BCKDHB: variants seen among roughly 807,000 people sequenced by gnomAD.
BCKDHB encodes 2-oxoisovalerate dehydrogenase subunit beta, mitochondrial.
In BCKDHB, 41 loss-of-function variants were observed where a neutral mutation model predicts 48.5. The ratio of observed to expected loss-of-function variants is 0.85; its 90% CI spans 0.66 to 1.10. The LOEUF is 1.10. BCKDHB is among the 50% of genes least tolerant of loss of function. BCKDHB has a pLI of 0.00. For synonymous variants in BCKDHB, 201 were observed against 174.8 expected (o/e 1.15, Z -1.18); for missense variants, 496 against 494.2 (o/e 1.00, Z -0.03).
At chr6:80,276,180 C>T (rs1777960998) in intron 9 of BCKDHB, among the ~76,000 whole-genome samples, 2 of 151,876 alleles carry the variant, frequency 1.3e-5, no homozygotes, top group Admixed American at 6.6e-5. Flanking sequence ...ATGTTTGCTC[C>T]ACAGGCGATT....
At chr6:80,394,912 G>T in the BCKDHB span, among the ~76,000 whole-genome samples, 1 of 152,152 alleles carries the variant, frequency 6.6e-6, no homozygotes, top group Non-Finnish European at 1.5e-5. Flanking sequence ...GAGTTCTCAG[G>T]TGATCTGATG....
intron 3 of BCKDHB, among the ~76,000 whole-genome samples, chr6:80,138,485 G>T (rs552880151): frequency 6.6e-5 from 10 of 151,464 alleles, no homozygotes; most frequent in African/African-American, 2.2e-4. Context: ...GATGTTCCCC[G>T]TCCTGTGTCC....
At chr6:80,201,111 T>C in intron 7 of BCKDHB, 80 bp downstream of exon 7, 2 of 1,183,656 alleles carry the variant, frequency 1.7e-6, no homozygotes, top group South Asian at 1.2e-5. Flanking sequence ...CATGAAAAAT[T>C]GAAAACGATG....
the BCKDHB span, among the ~76,000 whole-genome samples, chr6:80,448,140 C>T: frequency 6.6e-6 from 1 of 151,984 alleles, no homozygotes; most frequent in Non-Finnish European, 1.5e-5. Flanking sequence ...TACAGACACA[C>T]CAGCATCAAG....
chr6:80,238,448 A>C (rs1339382943), intron 8 of BCKDHB, among the ~76,000 whole-genome samples: 2 of 152,190 alleles, frequency 1.3e-5, no homozygotes, highest in Non-Finnish European at 2.9e-5. Flanking sequence ...AATCTTAGCC[A>C]CATTAAGTTA....
chr6:80,295,737 C>T (rs1183665243), intron 9 of BCKDHB, among the ~76,000 whole-genome samples: 1 of 152,034 alleles, frequency 6.6e-6, no homozygotes, highest in African/African-American at 2.4e-5. Context: ...AACAAATACG[C>T]TCCAAATTTT....
chr6:80,145,958 TG>T, intron 3 of BCKDHB, among the ~76,000 whole-genome samples: 1 of 152,272 alleles, frequency 6.6e-6, no homozygotes, highest in East Asian at 1.9e-4. Context: ...GGAAGGTAGA[TG>T]CCTTCCAGTT....
chr6:80,242,743 GT>G (rs1178508803), intron 8 of BCKDHB, among the ~76,000 whole-genome samples: 1 of 152,208 alleles, frequency 6.6e-6, no homozygotes, highest in African/African-American at 2.4e-5. Flanking sequence ...GGGGAGGAGT[GT>G]GGTGCTGGCT....
chr6:80,158,765 A>C (rs538302169), intron 3 of BCKDHB, among the ~76,000 whole-genome samples: 1 of 152,266 alleles, frequency 6.6e-6, no homozygotes, highest in Admixed American at 6.5e-5. Context: ...GATAAAACAG[A>C]CCCTAAAGGG....
chr6:80,137,015 T>A (rs1370379168), intron 3 of BCKDHB, among the ~76,000 whole-genome samples: 1 of 152,150 alleles, frequency 6.6e-6, no homozygotes, highest in Admixed American at 6.6e-5. Flanking sequence ...GGTGGGAATG[T>A]AAAGCGACAC....
the BCKDHB span, among the ~76,000 whole-genome samples, chr6:80,425,081 T>G: frequency 6.6e-6 from 1 of 152,152 alleles, no homozygotes; most frequent in Non-Finnish European, 1.5e-5. Flanking sequence ...GTGGAACAGC[T>G]CACTGATAGA....
intron 3 of BCKDHB, among the ~76,000 whole-genome samples, chr6:80,161,563 T>G: frequency 6.6e-6 from 1 of 152,158 alleles, no homozygotes; most frequent in East Asian, 1.9e-4. Context: ...GCACTGACAC[T>G]CCCCCTCCTT....
the BCKDHB span, among the ~76,000 whole-genome samples, chr6:80,362,903 C>T: frequency 2.6e-5 from 4 of 152,240 alleles, no homozygotes; most frequent in East Asian, 3.9e-4. Context: ...TAACCAAAGA[C>T]GTGCCTTTAG....
chr6:80,391,889 G>A, the BCKDHB span, among the ~76,000 whole-genome samples: 13 of 152,058 alleles, frequency 8.5e-5, no homozygotes, highest in Non-Finnish European at 1.0e-4. Flanking sequence ...TTTTCTTCCT[G>A]ATAGCAGGAT....
chr6:80,174,851 C>T (rs1773078794), intron 6 of BCKDHB, among the ~76,000 whole-genome samples: 1 of 152,092 alleles, frequency 6.6e-6, no homozygotes, highest in South Asian at 2.1e-4. Context: ...GAGGTGCAAA[C>T]TTTGGAATAG....
At chr6:80,425,548 C>T in the BCKDHB span, among the ~76,000 whole-genome samples, 7,649 of 152,116 alleles carry the variant, frequency 0.05, 584 homozygotes, top group African/African-American at 0.16. Flanking sequence ...CAGTATTTAA[C>T]GGAAAGATCT....
the BCKDHB span, among the ~76,000 whole-genome samples, chr6:80,409,172 G>T: frequency 6.6e-6 from 1 of 151,974 alleles, no homozygotes; most frequent in Non-Finnish European, 1.5e-5. Context: ...TTTCCATGTA[G>T]TTGTAGTTGT....
the BCKDHB span, among the ~76,000 whole-genome samples, chr6:80,370,499 A>G: frequency 6.6e-6 from 1 of 152,136 alleles, no homozygotes; most frequent in Non-Finnish European, 1.5e-5. Flanking sequence ...TGCACCCATC[A>G]CCAGAGCACC....
At chr6:80,181,894 A>G (rs1005473500) in intron 6 of BCKDHB, among the ~76,000 whole-genome samples, 1 of 152,158 alleles carries the variant, frequency 6.6e-6, no homozygotes, top group African/African-American at 2.4e-5. Flanking sequence ...TCTTTTATAT[A>G]TGTTTGTACT....
Sources: gnomAD v4.1 joint callset for allele counts (sites outside exome capture counted in the v4.1 genomes callset) on GRCh38, gnomAD v4.1.1 for gene constraint, MANE v1.5 for transcripts, NCBI Gene and HGNC (gene_info 2026-07-23, HGNC 2026-07-21) for gene names.